NFYC: variants seen among roughly 807,000 people sequenced by gnomAD.
The protein encoded by NFYC is nuclear transcription factor Y subunit gamma.
NFYC carries 25 observed loss-of-function variants against 53.1 expected under a neutral mutation model. That is an observed-to-expected ratio of 0.47 (90% CI 0.34 to 0.66). The LOEUF (loss-of-function observed/expected upper bound fraction) is 0.66. Among genes scored for constraint, NFYC ranks in the 30% least tolerant of loss-of-function variants. NFYC has a pLI of 0.01. For missense variants in NFYC, 260 were observed against 422.7 expected (o/e 0.62, Z 3.38); for synonymous variants, 145 against 152.6 (o/e 0.95, Z 0.37).
At chr1:40,728,494 G>A (rs1195712894) in intron 1 of NFYC, among the ~76,000 whole-genome samples, 1 of 151,858 alleles carries the variant, frequency 6.6e-6, no homozygotes, top group Non-Finnish European at 1.5e-5. Context: ...CTACTCGGGA[G>A]GCTGGGCATG....
intron 6 of NFYC, 90 bp from the exon 7 acceptor site, chr1:40,762,798 T>TC: frequency 7.7e-7 from 1 of 1,290,916 alleles, no homozygotes; most frequent in South Asian, 1.9e-5. Context: ...GAGGGTTTGC[T>TC]CCCAGCACAT....
At chr1:40,712,073 A>G (rs1643945070) in intron 1 of NFYC, among the ~76,000 whole-genome samples, 1 of 152,258 alleles carries the variant, frequency 6.6e-6, no homozygotes, top group South Asian at 2.1e-4. Flanking sequence ...GAAGAGCTAC[A>G]TAATATTAGT....
At chr1:40,724,799 AAAGT>A (rs72330262) in intron 1 of NFYC, among the ~76,000 whole-genome samples, 12,986 of 152,242 alleles carry the variant, frequency 0.085, 742 homozygotes, top group Non-Finnish European at 0.12. Flanking sequence ...ACCAAATAGA[AAAGT>A]ATTTTTGTTT....
chr1:40,756,128 G>A (rs1278798692), intron 5 of NFYC, among the ~76,000 whole-genome samples: 2 of 152,066 alleles, frequency 1.3e-5, no homozygotes, highest in South Asian at 4.1e-4. Context: ...TAATAAGGGA[G>A]ATCTCAGTGG....
rs1167768330 is a variant in NFYC, at chr1:40,747,539, C to T, written c.111C>T (p.Asp37=). 1 of 1,612,396 alleles carries T rather than the reference C, an allele frequency of 6.2e-7. No individual in the cohort carries two copies. Among genetic ancestry groups the T allele is most frequent in the East Asian group, 2.2e-5 (1 of 44,860 alleles). ...TCTCTTGTTGTTCATTTCAGAAAGA[C>T]TTCCGAGTGCAGGAACTCCCACTGG... The part of the protein sequence containing the change: ...MEEIRNLTVK[D]FRVQELPLAR... Residue 37 remains aspartate (D), a synonymous_variant, in exon 3 of 10, where the codon GAC becomes GAT. Transcript: ENST00000447388.
At chr1:40,715,764 C>T (rs1644112060) in intron 1 of NFYC, among the ~76,000 whole-genome samples, 1 of 151,398 alleles carries the variant, frequency 6.6e-6, no homozygotes, top group East Asian at 1.9e-4. Flanking sequence ...AATGGGCAAT[C>T]GAAGGATAAG....
intron 6 of NFYC, 46 bp downstream of exon 6, chr1:40,758,340 T>G: frequency 6.5e-7 from 1 of 1,544,320 alleles, no homozygotes; most frequent in Non-Finnish European, 8.7e-7. Context: ...CAGTGCCCCT[T>G]AGGTTTTTGG....
chr1:40,760,854 T>C (rs1307121244), intron 6 of NFYC, among the ~76,000 whole-genome samples: 1 of 152,246 alleles, frequency 6.6e-6, no homozygotes. Context: ...TAATGGCTGC[T>C]CAGTCACTGG....
At chr1:40,747,898 C>G (rs1284666723) in intron 3 of NFYC, among the ~76,000 whole-genome samples, 1 of 148,762 alleles carries the variant, frequency 6.7e-6, no homozygotes, top group African/African-American at 2.5e-5. Context: ...TGCAGTGGTG[C>G]GAGCTTAGCT....
At chr1:40,748,323 G>A (rs1164611444) in intron 3 of NFYC, among the ~76,000 whole-genome samples, 2 of 151,754 alleles carry the variant, frequency 1.3e-5, no homozygotes, top group Admixed American at 6.6e-5. Context: ...TTTGGAGTGG[G>A]GGACAGGATC....
At position 40,736,363 on chromosome 1, in the gene NFYC, A is replaced by G. The variant is rs182740483; in HGVS notation, c.-8-2473A>G. ...TTGGACATCCCCACAGGCTAAACCT[A>G]GAGTTGTCAGCTTTCATTCCATTCT... On this transcript the variant is annotated intron_variant, in intron 1 of 9. Coordinates refer to ENST00000447388, the MANE Select transcript of NFYC (RefSeq NM_014223.5). Among the ~76,000 whole-genome samples the G allele has an allele frequency of 2.6e-4, 39 of 152,332 alleles. No individual in the cohort carries two copies. The East Asian group carries it at 4.4e-3, about 17-fold the overall frequency.
intron 1 of NFYC, among the ~76,000 whole-genome samples, chr1:40,706,838 T>C (rs76022336): frequency 0.03 from 4,522 of 152,260 alleles, 90 homozygotes; most frequent in Non-Finnish European, 0.043. Flanking sequence ...AGAATACTTA[T>C]AATATCTCTT....
Position 40,758,117 on chromosome 1 carries a change from A to T in NFYC, c.388-4A>T. The T allele has an allele frequency of 3.1e-6, 5 of 1,611,658 alleles. No homozygotes were observed. The highest frequency in any genetic ancestry group is 4.2e-6 in the Non-Finnish European group (5 of 1,179,780). ...TCTTACCTGCCTCTCTTTCCACCCA[A>T]CAGGAGGAGGTGCGCCAGTCTGTAA... On this transcript the variant is annotated splice_polypyrimidine_tract_variant and splice_region_variant and intron_variant, in intron 5 of 9. Transcript: ENST00000447388.
chr1:40,752,052 A>G (rs1645945097), intron 4 of NFYC, among the ~76,000 whole-genome samples: 1 of 152,192 alleles, frequency 6.6e-6, no homozygotes, highest in Non-Finnish European at 1.5e-5. Flanking sequence ...TCACCTTTTA[A>G]GGTGTGGTAT....
chr1:40,749,766 ATTG>A (rs1645808699), intron 4 of NFYC, 80 bp downstream of exon 4: 1 of 1,163,764 alleles, frequency 8.6e-7, no homozygotes, highest in African/African-American at 1.5e-5. Flanking sequence ...TTGGAGAAAG[ATTG>A]TTCTCCTTTA....
intron 1 of NFYC, among the ~76,000 whole-genome samples, chr1:40,733,839 G>A (rs1644891806): frequency 1.3e-5 from 2 of 152,074 alleles, no homozygotes; most frequent in South Asian, 2.1e-4. Context: ...CGCTTCCCAG[G>A]TTCCAGTGAA....
rs147961519 is a variant in NFYC at position 40,738,900 on chromosome 1, A to G, written c.57A>G (p.Leu19=). The change falls in exon 2 of 10, where the codon CTA becomes CTG. Residue 19 remains leucine, a synonymous_variant. Transcript: ENST00000447388. ...GCAGCAGTGATGCCCAGCAAAGCCT[A>G]CAGTCGTTCTGGCCTCGGGTCATGG... ...GTSSSDAQQS[L]QSFWPRVMEE... is the part of the protein sequence containing the mutation. The G allele has an allele frequency of 1.9e-5, 31 of 1,614,152 alleles. 1 individual carries two copies. The African/African-American group carries it at 2.7e-4, about 14-fold the overall frequency.
At chr1:40,742,888 A>G (rs535111937) in intron 2 of NFYC, among the ~76,000 whole-genome samples, 4 of 152,296 alleles carry the variant, frequency 2.6e-5, no homozygotes, top group African/African-American at 7.2e-5. Context: ...CCTGTGTAAC[A>G]TGACCAAACA....
chr1:40,760,649 G>A (rs905315629), intron 6 of NFYC, among the ~76,000 whole-genome samples: 30 of 152,022 alleles, frequency 2.0e-4, no homozygotes, highest in Admixed American at 1.9e-3. Context: ...GAACCTGGGA[G>A]GCGGATGTTG....
Sources: gnomAD v4.1 joint callset for allele counts (sites outside exome capture counted in the v4.1 genomes callset) on GRCh38, gnomAD v4.1.1 for gene constraint, MANE v1.5 for transcripts, NCBI Gene and HGNC (gene_info 2026-07-23, HGNC 2026-07-21) for gene names.